The following GNA14 variants were observed in gnomAD, a reference collection of about 807,000 sequenced individuals.
The protein encoded by GNA14 is guanine nucleotide-binding protein subunit alpha-14.
A neutral mutation model predicts 42.0 loss-of-function variants in GNA14; 50 were observed. The observed-to-expected ratio is 1.19, with a 90% CI of 0.95 to 1.51. GNA14 has a LOEUF of 1.51. Among genes scored for constraint, GNA14 ranks in the 40% most tolerant of loss-of-function variants. GNA14 has a pLI of 0.00. For missense variants in GNA14, 473 were observed against 446.2 expected (o/e 1.06, Z -0.54); for synonymous variants, 173 against 163.1 (o/e 1.06, Z -0.46).
intron 1 of GNA14, among the ~76,000 whole-genome samples, chr9:77,586,709 C>T (rs1158926986): frequency 6.6e-6 from 1 of 152,190 alleles, no homozygotes; most frequent in Admixed American, 6.5e-5. Flanking sequence ...ATTGGTTGGA[C>T]CAGGTGTGTC....
At chr9:77,543,148 T>C (rs1053292321) in intron 1 of GNA14, among the ~76,000 whole-genome samples, 2 of 152,224 alleles carry the variant, frequency 1.3e-5, no homozygotes, top group African/African-American at 2.4e-5. Context: ...CTCTTCCTTC[T>C]TGGCCTGGCA....
chr9:77,496,188 AT>A (rs1836865277), intron 2 of GNA14, among the ~76,000 whole-genome samples: 1 of 152,316 alleles, frequency 6.6e-6, no homozygotes, highest in East Asian at 1.9e-4. Context: ...TCAGATAATG[AT>A]AGTGGAAAAG....
intron 1 of GNA14, among the ~76,000 whole-genome samples, chr9:77,630,712 T>A (rs1477667333): frequency 6.6e-6 from 1 of 150,604 alleles, no homozygotes; most frequent in Non-Finnish European, 1.5e-5. Context: ...AAAAACTAGT[T>A]TTTTTTAGCT....
At chr9:77,570,485 A>G (rs191058243) in intron 1 of GNA14, among the ~76,000 whole-genome samples, 21 of 152,320 alleles carry the variant, frequency 1.4e-4, no homozygotes, top group Admixed American at 1.3e-3. Flanking sequence ...GGAATCATGC[A>G]ATATATGTGT....
At chr9:77,628,133 C>A (rs950356590) in intron 1 of GNA14, among the ~76,000 whole-genome samples, 5 of 152,080 alleles carry the variant, frequency 3.3e-5, no homozygotes, top group African/African-American at 1.2e-4. Flanking sequence ...GAGTGAACTC[C>A]CATTCACAAT....
chr9:77,443,843 A>ATGG (rs1835772781), intron 2 of GNA14, among the ~76,000 whole-genome samples: 1 of 152,180 alleles, frequency 6.6e-6, no homozygotes, highest in South Asian at 2.1e-4. Flanking sequence ...TTAGCTGAGC[A>ATGG]TGGTGATGCG....
chr9:77,514,072 T>G (rs1837211695), intron 2 of GNA14, among the ~76,000 whole-genome samples: 1 of 152,070 alleles, frequency 6.6e-6, no homozygotes, highest in Non-Finnish European at 1.5e-5. Context: ...AACAAACACA[T>G]CCCAAGAGCT....
chr9:77,449,742 G>A (rs946347500), intron 2 of GNA14, among the ~76,000 whole-genome samples: 5 of 152,206 alleles, frequency 3.3e-5, no homozygotes, highest in African/African-American at 1.2e-4. Flanking sequence ...CAAAGGGAAG[G>A]GAATGTTAGA....
At position 77,565,569 on chromosome 9, in the gene GNA14, T is replaced by G. The variant is rs895133556; in HGVS notation, c.125-36316A>C. Reference sequence around the variant, plus strand: ...GCCTCCTGGGTTCAAGTGATTCTTGTGCCTCAGCCTCCCAAGTAGCTGGGA... The same window carrying G: ...GCCTCCTGGGTTCAAGTGATTCTTGGGCCTCAGCCTCCCAAGTAGCTGGGA... On this transcript the variant is annotated intron_variant, in intron 1 of 6. Coordinates refer to ENST00000341700, the MANE Select transcript of GNA14 (RefSeq NM_004297.4). 3.3e-5 allele frequency among the ~76,000 whole-genome samples: 5 copies of G among 152,224 alleles called. No homozygotes were observed. The East Asian group carries it at 9.7e-4, about 29-fold the overall frequency.
chr9:77,519,563 ATTCATG>A (rs751278168), intron 2 of GNA14, among the ~76,000 whole-genome samples: 2 of 152,234 alleles, frequency 1.3e-5, no homozygotes, highest in African/African-American at 2.4e-5. Flanking sequence ...AAGTTAAATA[ATTCATG>A]TTCTCACTTA....
rs140278657 is a variant in GNA14 at position 77,476,243 on chromosome 9, A to G, written c.310-41721T>C. On this transcript the variant is annotated intron_variant, in intron 2 of 6. Coordinates refer to ENST00000341700, the MANE Select transcript of GNA14 (RefSeq NM_004297.4). ...TTAGATTTTCTAAAATACTGAAATGACAAAATCACACCAACAAGATTGCCT... is the reference window on the plus strand; with the variant it reads ...TTAGATTTTCTAAAATACTGAAATGGCAAAATCACACCAACAAGATTGCCT... Among the ~76,000 whole-genome samples the G allele has an allele frequency of 4.6e-5, 7 of 152,358 alleles. No individual in the cohort carries two copies. In the East Asian group the frequency reaches 1.4e-3, roughly 29 times the overall value.
chr9:77,605,008 A>G (rs1479684377), intron 1 of GNA14, among the ~76,000 whole-genome samples: 4 of 152,192 alleles, frequency 2.6e-5, no homozygotes, highest in African/African-American at 9.7e-5. Flanking sequence ...ACACTGATAA[A>G]ATTTACCTCC....
intron 1 of GNA14, among the ~76,000 whole-genome samples, chr9:77,599,952 G>T (rs922601844): frequency 4.6e-5 from 7 of 152,126 alleles, no homozygotes; most frequent in African/African-American, 1.7e-4. Flanking sequence ...TAAAAGCAAG[G>T]TAACAATATT....
At chr9:77,581,831 T>C (rs1389492304) in intron 1 of GNA14, among the ~76,000 whole-genome samples, 1 of 152,148 alleles carries the variant, frequency 6.6e-6, no homozygotes, top group African/African-American at 2.4e-5. Flanking sequence ...TGTTGGTGGC[T>C]CTCCTCTGCC....
chr9:77,581,493 C>T (rs11145490), intron 1 of GNA14, among the ~76,000 whole-genome samples: 1 of 152,176 alleles, frequency 6.6e-6, no homozygotes, highest in Non-Finnish European at 1.5e-5. Flanking sequence ...ATCCAAACTG[C>T]TATGACATGT....
chr9:77,603,494 A>G (rs1339579085), intron 1 of GNA14, among the ~76,000 whole-genome samples: 2 of 152,238 alleles, frequency 1.3e-5, no homozygotes, highest in Non-Finnish European at 2.9e-5. Context: ...TATTCTTTCT[A>G]CTCTACATAG....
rs549813616 is a variant in GNA14, at chr9:77,648,162, G to A, written c.-369C>T. 1 of 313,994 alleles carries A rather than the reference G, an allele frequency of 3.2e-6. No individual in the cohort carries two copies. Among genetic ancestry groups the A allele is most frequent in the African/African-American group, 2.3e-5 (1 of 43,928 alleles). 19.5% of individuals were successfully genotyped at this position (313,994 alleles called of 1,614,324 possible). On this transcript the variant is annotated 5_prime_UTR_variant, in exon 1 of 7. Coordinates refer to ENST00000341700, the MANE Select transcript of GNA14 (RefSeq NM_004297.4). ...GGACAGCAGTCGGGGGCGCAGACGA[G>A]TTGGAACGTCGGTGCTCGGGGGAGA...
Position 77,640,886 on chromosome 9 carries a change from A to AAAC in GNA14, c.124+6783_124+6784insGTT, listed in dbSNP as rs1554705767. Among the ~76,000 whole-genome samples the AAAC allele has an allele frequency of 2.4e-3, 343 of 145,456 alleles. 10 individuals carry two copies. The highest frequency in any genetic ancestry group is 0.022 in the Admixed American group (297 of 13,714). ...ATAAAATGCTCAAAAAAAAAAAAAA[A>AAAC]AAAAAACAACAGACAGAGGCATGTC... is the stretch of plus-strand genomic sequence containing the variant. On this transcript the variant is annotated intron_variant, in intron 1 of 6. Transcript: ENST00000341700.
chr9:77,536,574 C>T (rs901009400), intron 1 of GNA14, among the ~76,000 whole-genome samples: 7 of 152,212 alleles, frequency 4.6e-5, no homozygotes, highest in Admixed American at 6.5e-5. Context: ...TGGTCTCGAA[C>T]TTCTGGTCTC....
Sources: allele counts gnomAD v4.1 joint callset (sites outside exome capture counted in the v4.1 genomes callset), GRCh38; gene constraint gnomAD v4.1.1; transcripts MANE v1.5; gene names NCBI Gene and HGNC (gene_info 2026-07-23, HGNC 2026-07-21).